The following CTDSP2 variants were observed in gnomAD, a reference collection of about 807,000 sequenced individuals.
CTDSP2 encodes the protein carboxy-terminal domain RNA polymerase II polypeptide A small phosphatase 2.
A neutral mutation model predicts 31.6 loss-of-function variants in CTDSP2; 9 were observed. The ratio of observed to expected loss-of-function variants is 0.28; its 90% CI spans 0.17 to 0.50. CTDSP2 has a LOEUF of 0.50. Ranked by LOEUF, CTDSP2 falls within the 20% of genes least tolerant of loss-of-function variation. The probability of loss-of-function intolerance (pLI) is 0.98; values close to 1 mark genes in which losing one functional copy is unlikely to be tolerated. For missense variants in CTDSP2, 267 were observed against 348.5 expected, an observed-to-expected ratio of 0.77 and a Z score of 1.86; for synonymous variants, 134 against 134.5, an observed-to-expected ratio of 1.00 and a Z score of 0.03.
At position 57,822,779 on chromosome 12, in the gene CTDSP2, AAC is replaced by A. The variant is rs1216209777; in HGVS notation, c.*821_*822del. On this transcript the variant is annotated 3_prime_UTR_variant, in exon 8 of 8. Transcript: ENST00000398073. ...GGCCCAGGACTGTAACTTTGTCAGAAACAAACCAGGCCCAACACTCTGTGTTT... is the reference window on the plus strand; with the variant it reads ...GGCCCAGGACTGTAACTTTGTCAGAAAAACCAGGCCCAACACTCTGTGTTT... 6.6e-6 allele frequency: 1 copy of A among 152,348 alleles called. No homozygotes were observed. The highest frequency in any genetic ancestry group is 6.5e-5 in the Admixed American group (1 of 15,288). 9.4% of individuals were successfully genotyped at this position (152,348 alleles called of 1,614,324 possible).
At chr12:57,836,650 A>G (rs1370544944) in intron 1 of CTDSP2, among the ~76,000 whole-genome samples, 1 of 152,184 alleles carries the variant, frequency 6.6e-6, no homozygotes, top group East Asian at 1.9e-4. Context: ...TTTAAAAAAA[A>G]AAAGTGTACA....
chr12:57,843,842 T>A (rs1243733604), intron 1 of CTDSP2, among the ~76,000 whole-genome samples: 2 of 152,240 alleles, frequency 1.3e-5, no homozygotes, highest in Non-Finnish European at 2.9e-5. Flanking sequence ...GTTGGTTTAG[T>A]GGTTGCTGGG....
intron 5 of CTDSP2, among the ~76,000 whole-genome samples, chr12:57,824,999 A>T (rs1347313756): frequency 6.6e-6 from 1 of 151,764 alleles, no homozygotes; most frequent in African/African-American, 2.4e-5. Flanking sequence ...CATTTCCAAA[A>T]AGGTCCTTTT....
rs1368021818 is a variant in CTDSP2, at chr12:57,823,685, A to G, written c.733T>C (p.Leu245=). The G allele has an allele frequency of 1.2e-6, 2 of 1,614,058 alleles. No homozygotes were observed. The highest frequency in any genetic ancestry group is 1.1e-5 in the South Asian group (1 of 91,080). ...SWFDDMADTE[L]LNLIPIFEEL... ...TCAAAGATTGGGATCAGGTTCAGCA[A>G]CTCAGTGTCTGCCATGTCATCAAAC... is the stretch of plus-strand genomic sequence containing the variant. The change falls in exon 8 of 8, where the codon TTG becomes CTG. Residue 245 remains leucine (L), a synonymous_variant. Transcript: ENST00000398073.
In CTDSP2 at chr12:57,836,131, G is replaced by A. The variant is rs1469294013; in HGVS notation, c.65-6535C>T. Reference sequence around the variant, plus strand: ...TCACGTGGATGAAGCCCAAGAAGATGAGGGAAAGGTGCCTGAGAGCTCTGA... The same window carrying A: ...TCACGTGGATGAAGCCCAAGAAGATAAGGGAAAGGTGCCTGAGAGCTCTGA... On this transcript the variant is annotated intron_variant, in intron 1 of 7. Coordinates refer to ENST00000398073, the MANE Select transcript of CTDSP2 (RefSeq NM_005730.4). 3.3e-5 allele frequency among the ~76,000 whole-genome samples: 5 copies of A among 152,176 alleles called. No individual in the cohort carries two copies. In the East Asian group the frequency reaches 9.6e-4, roughly 29 times the overall value.
At chr12:57,824,113 G>C in intron 6 of CTDSP2, 24 bp from the exon 7 acceptor site, 1 of 1,613,354 alleles carries the variant, frequency 6.2e-7, no homozygotes, top group East Asian at 2.2e-5. Context: ...AGATGCCTTA[G>C]TTTGGATACA....
At chr12:57,841,778 G>A (rs1956283872) in intron 1 of CTDSP2, among the ~76,000 whole-genome samples, 1 of 152,214 alleles carries the variant, frequency 6.6e-6, no homozygotes, top group African/African-American at 2.4e-5. Context: ...TTGGGGGAAT[G>A]GAGGAGGGCG....
Position 57,836,679 on chromosome 12 carries a change from C to T in CTDSP2, c.65-7083G>A, listed in dbSNP as rs114244283. On this transcript the variant is annotated intron_variant, in intron 1 of 7. Transcript: ENST00000398073. ...GTGTACATGTACAAACACGTGAACA[C>T]GTGCACACATACACACAAACGAAGA... Among the ~76,000 whole-genome samples, 314 of 152,072 alleles carry T rather than the reference C, an allele frequency of 2.1e-3. 1 individual carries two copies. The highest frequency in any genetic ancestry group is 7.1e-3 in the African/African-American group (296 of 41,500).
chr12:57,826,967 G>A (rs1343949455), intron 4 of CTDSP2, 29 bp downstream of exon 4: 1 of 1,524,166 alleles, frequency 6.6e-7, no homozygotes, highest in Non-Finnish European at 9.1e-7. Context: ...CCAAGATAAA[G>A]GTAGGAAGGG....
chr12:57,828,537 C>G lies in CTDSP2; in HGVS notation c.213+911G>C, dbSNP rs114537715. Reference sequence around the variant, plus strand: ...GGCATTCAGTGTACTGCCTTCAAATCTGTGTCCGCAGACTTTTTCCAGAAT... The same window carrying G: ...GGCATTCAGTGTACTGCCTTCAAATGTGTGTCCGCAGACTTTTTCCAGAAT... On this transcript the variant is annotated intron_variant, in intron 2 of 7. Coordinates refer to ENST00000398073, the MANE Select transcript of CTDSP2 (RefSeq NM_005730.4). Among the ~76,000 whole-genome samples the G allele has an allele frequency of 6.6e-3, 1,010 of 152,336 alleles. 13 individuals are homozygous for G. Among genetic ancestry groups the G allele is most frequent in the African/African-American group, 0.023 (958 of 41,576 alleles).
intron 2 of CTDSP2, among the ~76,000 whole-genome samples, chr12:57,828,109 C>G (rs1216191042): frequency 4.6e-5 from 7 of 152,118 alleles, no homozygotes; most frequent in Non-Finnish European, 8.8e-5. Context: ...GCCCCCCACC[C>G]CAATTTTTGC....
At chr12:57,843,187 G>C (rs554616635) in intron 1 of CTDSP2, among the ~76,000 whole-genome samples, 2 of 152,290 alleles carry the variant, frequency 1.3e-5, no homozygotes, top group East Asian at 3.9e-4. Context: ...TTCACGTTGG[G>C]AGGTTACAGC....
intron 5 of CTDSP2, 35 bp downstream of exon 5, chr12:57,826,311 C>T (rs1204079241): frequency 6.2e-7 from 1 of 1,607,426 alleles, no homozygotes; most frequent in East Asian, 2.2e-5. Context: ...GACCCCCCAC[C>T]CTCTGGGCTG....
chr12:57,839,028 C>T (rs913694813), intron 1 of CTDSP2, among the ~76,000 whole-genome samples: 4 of 152,174 alleles, frequency 2.6e-5, no homozygotes, highest in Non-Finnish European at 5.9e-5. Flanking sequence ...TCCACAAAAA[C>T]GAATCAGTCG....
chr12:57,830,361 G>T (rs1956208030), intron 1 of CTDSP2, among the ~76,000 whole-genome samples: 1 of 151,618 alleles, frequency 6.6e-6, no homozygotes, highest in Admixed American at 6.6e-5. Flanking sequence ...CTCCAGCCTG[G>T]ATGACAGAGT....
chr12:57,843,699 G>A (rs1475926778), intron 1 of CTDSP2, among the ~76,000 whole-genome samples: 1 of 152,190 alleles, frequency 6.6e-6, no homozygotes, highest in Non-Finnish European at 1.5e-5. Flanking sequence ...GTTGTGGAGA[G>A]GACGGAGTGG....
At chr12:57,831,892 G>A (rs1386284424) in intron 1 of CTDSP2, among the ~76,000 whole-genome samples, 2 of 152,226 alleles carry the variant, frequency 1.3e-5, no homozygotes, top group African/African-American at 4.8e-5. Context: ...CCTTGCAGAA[G>A]TGGGTAATGG....
chr12:57,823,496 G>C lies in CTDSP2; in HGVS notation c.*106C>G, dbSNP rs1208854075. On this transcript the variant is annotated 3_prime_UTR_variant, in exon 8 of 8. Transcript: ENST00000398073. The stretch of plus-strand genomic sequence containing the variant: ...TTCCAGTTACTTCCCGCTGTTTCCG[G>C]GCCGTGTGGTGAGGCACTCCAGCTT... 5.2e-6 allele frequency: 7 copies of C among 1,338,154 alleles called. No individual in the cohort carries two copies. The East Asian group carries it at 1.7e-4, about 33-fold the overall frequency. 82.9% of individuals were successfully genotyped at this position (1,338,154 alleles called of 1,614,324 possible). A position where few individuals can be genotyped will look rare whatever the true frequency, so the allele number is the denominator to read the frequency against.
intron 2 of CTDSP2, among the ~76,000 whole-genome samples, chr12:57,828,185 C>T (rs941860400): frequency 2.0e-5 from 3 of 151,954 alleles, no homozygotes; most frequent in South Asian, 2.1e-4. Flanking sequence ...TTTGGGAGGC[C>T]GAGGCGCGCG....
Sources: allele counts gnomAD v4.1 joint callset (sites outside exome capture counted in the v4.1 genomes callset), GRCh38; gene constraint gnomAD v4.1.1; transcripts MANE v1.5; gene names NCBI Gene and HGNC (gene_info 2026-07-23, HGNC 2026-07-21).